The following UBR3 variants were observed in gnomAD, a reference collection of about 807,000 sequenced individuals.
UBR3 encodes the protein E3 ubiquitin-protein ligase UBR3.
A neutral mutation model predicts 243.2 loss-of-function variants in UBR3; 85 were observed. That is an observed-to-expected ratio of 0.35 (90% CI 0.29 to 0.42). UBR3 has a LOEUF of 0.42. UBR3 is among the 10% of genes least tolerant of loss of function. The pLI, the probability that UBR3 is intolerant of heterozygous loss-of-function variation, is 1.00. For missense variants in UBR3, 1,686 were observed against 2,300.8 expected, an observed-to-expected ratio of 0.73 and a Z score of 5.47; for synonymous variants, 748 against 799.8, an observed-to-expected ratio of 0.94 and a Z score of 1.09.
intron 1 of UBR3, among the ~76,000 whole-genome samples, chr2:169,837,757 G>A (rs567222591): frequency 6.6e-6 from 1 of 152,310 alleles, no homozygotes; most frequent in Non-Finnish European, 1.5e-5. Context: ...CACCCTTGAC[G>A]TGTGGGGATT....
chr2:170,073,568 G>T lies in UBR3; in HGVS notation c.5160G>T (p.Glu1720Asp). ...AFDIITQWCFEIKSFTERHAE... is the reference protein window; with the variant it reads ...AFDIITQWCFDIKSFTERHAE... Reference sequence around the variant, plus strand: ...ATATTATAACTCAGTGGTGTTTTGAGATAAAATCATTTACTGAAAGACATG... The same window carrying T: ...ATATTATAACTCAGTGGTGTTTTGATATAAAATCATTTACTGAAAGACATG... Residue 1720 changes from glutamate to aspartate, a missense_variant, in exon 36 of 39, where the codon GAG becomes GAT. Physicochemically the swap from Glu to Asp is conservative, Grantham distance 45. This residue lies in a region of UBR3 where 371 missense variants were observed against 422.5 expected (regional missense o/e 0.88). Transcript: ENST00000272793. 5 of 1,613,214 alleles carry T rather than the reference G, an allele frequency of 3.1e-6. No homozygotes were observed. The highest frequency in any genetic ancestry group is 4.2e-6 in the Non-Finnish European group (5 of 1,179,584).
intron 8 of UBR3, 91 bp downstream of exon 8, chr2:169,896,826 A>C: frequency 3.5e-6 from 3 of 862,870 alleles, no homozygotes; most frequent in Non-Finnish European, 5.0e-6. Context: ...TAATATTACT[A>C]ATAATGATAC....
At chr2:169,876,047 C>A in intron 3 of UBR3, 98 bp downstream of exon 3, 152 of 863,996 alleles carry the variant, frequency 1.8e-4, no homozygotes, top group South Asian at 2.2e-4. Flanking sequence ...GTAGAATTTT[C>A]ATAGAATGCT....
chr2:169,933,518 G>T (rs1342110191), intron 19 of UBR3, among the ~76,000 whole-genome samples: 1 of 152,178 alleles, frequency 6.6e-6, no homozygotes, highest in Admixed American at 6.5e-5. Context: ...TCTTTTAAAT[G>T]CAGAATTCAA....
intron 8 of UBR3, among the ~76,000 whole-genome samples, chr2:169,902,398 C>T (rs556999109): frequency 6.6e-6 from 1 of 152,274 alleles, no homozygotes; most frequent in East Asian, 1.9e-4. Context: ...TTCATGTGAA[C>T]TCTAAAGTCC....
chr2:169,888,296 G>A lies in UBR3; in HGVS notation c.1039-2869G>A, dbSNP rs534781023. Among the ~76,000 whole-genome samples the A allele has an allele frequency of 2.6e-5, 4 of 151,438 alleles. No individual in the cohort carries two copies. The East Asian group carries it at 7.8e-4, about 30-fold the overall frequency. The stretch of plus-strand genomic sequence containing the variant: ...TGGGATTATAGGTGCCTGCCACTAC[G>A]CCCAGCTAATTTTTGTATTTTTAGT... On this transcript the variant is annotated intron_variant, in intron 5 of 38. Coordinates refer to ENST00000272793, the MANE Select transcript of UBR3 (RefSeq NM_172070.4).
At chr2:170,033,313 T>G (rs368898503) in intron 31 of UBR3, among the ~76,000 whole-genome samples, 2 of 152,178 alleles carry the variant, frequency 1.3e-5, no homozygotes, top group East Asian at 3.9e-4. Context: ...ATTTTGGTGC[T>G]TTGCATATAT....
At chr2:169,918,307 CT>C (rs35089044) in intron 11 of UBR3, among the ~76,000 whole-genome samples, 2,130 of 141,574 alleles carry the variant, frequency 0.015, 53 homozygotes, top group African/African-American at 0.049. Context: ...TATATTTTTA[CT>C]TTTTTTTTTT....
chr2:169,828,588 TGA>T (rs1380147716), intron 1 of UBR3, among the ~76,000 whole-genome samples: 15 of 151,358 alleles, frequency 9.9e-5, no homozygotes, highest in Non-Finnish European at 1.8e-4. Context: ...TCTGTCACTG[TGA>T]GAGAAGGAGC....
chr2:169,861,347 C>T (rs749405917), intron 1 of UBR3, among the ~76,000 whole-genome samples: 9 of 152,312 alleles, frequency 5.9e-5, no homozygotes, highest in Admixed American at 1.3e-4. Context: ...TGGTGGCTCA[C>T]GCCCGTAATC....
At chr2:170,080,224 CAATT>C in intron 37 of UBR3, 1 of 601,864 alleles carries the variant, frequency 1.7e-6, no homozygotes, top group Non-Finnish European at 2.8e-6. Flanking sequence ...TCCTTAAGTA[CAATT>C]CTAGTTCTCC....
At chr2:170,079,317 T>C (rs559389701) in intron 36 of UBR3, among the ~76,000 whole-genome samples, 2 of 152,246 alleles carry the variant, frequency 1.3e-5, no homozygotes, top group South Asian at 4.1e-4. Flanking sequence ...GTGCAATGAA[T>C]TGTACATACT....
rs115491460 is a variant in UBR3 at position 170,077,160 on chromosome 2, A to G, written c.5200-2654A>G. On this transcript the variant is annotated intron_variant, in intron 36 of 38. Coordinates refer to ENST00000272793, the MANE Select transcript of UBR3 (RefSeq NM_172070.4). ...AGGCTGTTTGGTAGTATTCAGAAAC[A>G]TCACAGTAATGGCAGTTTTTTCAGT... The G allele has an allele frequency of 1.8e-3, 1,096 of 597,806 alleles. 6 individuals carry two copies. The highest frequency in any genetic ancestry group is 0.018 in the African/African-American group (984 of 54,248). 37.0% of individuals were successfully genotyped at this position (597,806 alleles called of 1,614,324 possible). A position where few individuals can be genotyped will look rare whatever the true frequency, so the allele number is the denominator to read the frequency against.
chr2:169,960,024 G>A (rs1331711637), intron 24 of UBR3, among the ~76,000 whole-genome samples: 1 of 152,076 alleles, frequency 6.6e-6, no homozygotes, highest in East Asian at 1.9e-4. Flanking sequence ...GCCGAGGTGG[G>A]TGGATCACTT....
At position 170,073,410 on chromosome 2, in the gene UBR3, C is replaced by A. The variant is rs755525924; in HGVS notation, c.5020-18C>A. 1 of 1,612,386 alleles carries A rather than the reference C, an allele frequency of 6.2e-7. No homozygotes were observed. Among genetic ancestry groups the A allele is most frequent in the Non-Finnish European group, 8.5e-7 (1 of 1,179,100 alleles). On this transcript the variant is annotated intron_variant, in intron 35 of 38. Transcript: ENST00000272793. Reference sequence around the variant, plus strand: ...CTTGATGAAATATTTTCAGAATTTCCTATTTCATGTCTAAAAGGAAGAAGA... The same window carrying A: ...CTTGATGAAATATTTTCAGAATTTCATATTTCATGTCTAAAAGGAAGAAGA...
At position 170,001,260 on chromosome 2, in the gene UBR3, ACTT is replaced by A. The variant is rs755814426; in HGVS notation, c.3919-40_3919-38del. On this transcript the variant is annotated intron_variant, in intron 26 of 38. Coordinates refer to ENST00000272793, the MANE Select transcript of UBR3 (RefSeq NM_172070.4). ...CATACTAATATTTAAATATGTTTGT[ACTT>A]CTTTAAAATTAATTGTATTTGTCTT... 5 of 1,349,926 alleles carry A rather than the reference ACTT, an allele frequency of 3.7e-6. No homozygotes were observed. The South Asian group carries it at 5.9e-5, about 16-fold the overall frequency. The allele number at this position is 1,349,926 out of a possible 1,614,324, so 83.6% of individuals were successfully genotyped here.
intron 11 of UBR3, among the ~76,000 whole-genome samples, chr2:169,916,365 G>A (rs971185147): frequency 1.3e-4 from 20 of 152,066 alleles, no homozygotes; most frequent in African/African-American, 4.8e-4. Context: ...AATATGAGAA[G>A]CAACTCTCAT....
intron 26 of UBR3, among the ~76,000 whole-genome samples, chr2:169,998,456 A>G (rs2089577284): frequency 6.6e-6 from 1 of 152,172 alleles, no homozygotes; most frequent in African/African-American, 2.4e-5. Flanking sequence ...TGCTTTTATA[A>G]GACCTGTTTT....
chr2:169,937,330 CT>C (rs1488380794), intron 19 of UBR3, among the ~76,000 whole-genome samples: 2 of 152,206 alleles, frequency 1.3e-5, no homozygotes, highest in African/African-American at 4.8e-5. Context: ...TGTTCGTATC[CT>C]TCGCCCACTT....
Sources: gnomAD v4.1 joint callset for allele counts (sites outside exome capture counted in the v4.1 genomes callset) on GRCh38, gnomAD v4.1.1 for gene constraint, gnomAD v4.1.1 regional missense constraint, MANE v1.5 for transcripts, NCBI Gene and HGNC (gene_info 2026-07-23, HGNC 2026-07-21) for gene names.